Variants in HTR4 observed in about 807,000 individuals in gnomAD.
HTR4 encodes 5-hydroxytryptamine (serotonin) receptor 4, G protein-coupled.
Under a neutral mutation model 36.8 loss-of-function variants are expected in HTR4, and 16 were observed. That is an observed-to-expected ratio of 0.43 (90% confidence interval 0.29 to 0.66). The LOEUF (loss-of-function observed/expected upper bound fraction) is 0.66. HTR4 is among the 30% of genes least tolerant of loss of function. HTR4 has a pLI of 0.13. For missense variants in HTR4, 438 were observed against 490.9 expected (o/e 0.89, Z 1.02); for synonymous variants, 189 against 185.1 (o/e 1.02, Z -0.17).
At chr5:148,606,335 AT>A in intron 2 of HTR4, among the ~76,000 whole-genome samples, 1 of 152,286 alleles carries the variant, frequency 6.6e-6, no homozygotes, top group South Asian at 2.1e-4. Flanking sequence ...GCAGGTGTAA[AT>A]ATGAGGTATA....
intron 2 of HTR4, among the ~76,000 whole-genome samples, chr5:148,569,132 G>A (rs1018960110): frequency 6.6e-6 from 1 of 151,924 alleles, no homozygotes; most frequent in African/African-American, 2.4e-5. Flanking sequence ...TATCTGATCA[G>A]CAGAGAGTTC....
chr5:148,455,492 T>G (rs1282108211), intron 5 of HTR4, among the ~76,000 whole-genome samples: 2 of 152,184 alleles, frequency 1.3e-5, no homozygotes, highest in Non-Finnish European at 2.9e-5. Flanking sequence ...ATGAGTCACT[T>G]GTCAGGAATA....
chr5:148,580,967 C>G (rs980512857), intron 2 of HTR4, among the ~76,000 whole-genome samples: 6 of 151,504 alleles, frequency 4.0e-5, no homozygotes, highest in African/African-American at 1.5e-4. Context: ...GCAGCAGTAC[C>G]GTTTTACATT....
At chr5:148,605,779 C>T (rs1752135879) in intron 2 of HTR4, among the ~76,000 whole-genome samples, 1 of 151,944 alleles carries the variant, frequency 6.6e-6, no homozygotes, top group South Asian at 2.1e-4. Flanking sequence ...ACAAATCAAC[C>T]CAGACTGTTA....
intron 4 of HTR4, among the ~76,000 whole-genome samples, chr5:148,528,271 A>C (rs1293034931): frequency 6.6e-6 from 1 of 152,176 alleles, no homozygotes; most frequent in Non-Finnish European, 1.5e-5. Context: ...CAGCTTCTTC[A>C]ATGTGGTCCT....
intron 5 of HTR4, among the ~76,000 whole-genome samples, chr5:148,515,584 A>T (rs1757705825): frequency 6.6e-6 from 1 of 152,168 alleles, no homozygotes; most frequent in African/African-American, 2.4e-5. Flanking sequence ...TGTTTAAAGC[A>T]TATTTTCATT....
chr5:148,611,619 C>A (rs879625377), intron 2 of HTR4, among the ~76,000 whole-genome samples: 1 of 147,732 alleles, frequency 6.8e-6, no homozygotes, highest in Non-Finnish European at 1.5e-5. Flanking sequence ...ACTGCATCAA[C>A]TAACGAGCAA....
intron 5 of HTR4, among the ~76,000 whole-genome samples, chr5:148,461,034 A>G (rs1259420817): frequency 6.6e-6 from 1 of 152,080 alleles, no homozygotes; most frequent in Admixed American, 6.5e-5. Flanking sequence ...AAAAAGTTGT[A>G]TAGTATCATT....
chr5:148,534,399 G>A (rs1269700187), intron 4 of HTR4, among the ~76,000 whole-genome samples: 1 of 152,162 alleles, frequency 6.6e-6, no homozygotes, highest in African/African-American at 2.4e-5. Flanking sequence ...TGTTAAAGTA[G>A]CCAGACTTAA....
At chr5:148,592,263 A>G (rs1761602094) in intron 2 of HTR4, among the ~76,000 whole-genome samples, 1 of 152,158 alleles carries the variant, frequency 6.6e-6, no homozygotes, top group African/African-American at 2.4e-5. Context: ...GGAGAGGACA[A>G]GAAAAGATTA....
At chr5:148,460,150 G>A (rs1463418993) in intron 5 of HTR4, among the ~76,000 whole-genome samples, 1 of 151,380 alleles carries the variant, frequency 6.6e-6, no homozygotes, top group African/African-American at 2.4e-5. Context: ...CAAGAACTAT[G>A]GGACAACTAA....
At chr5:148,596,638 C>A (rs574066742) in intron 2 of HTR4, among the ~76,000 whole-genome samples, 1 of 151,708 alleles carries the variant, frequency 6.6e-6, no homozygotes, top group East Asian at 1.9e-4. Context: ...GCTGCGACAA[C>A]CAAAAACATC....
chr5:148,520,064 G>T (rs185161227), intron 5 of HTR4, among the ~76,000 whole-genome samples: 1 of 152,196 alleles, frequency 6.6e-6, no homozygotes, highest in Non-Finnish European at 1.5e-5. Context: ...TGATGAAAAT[G>T]TTGTGACCAG....
intron 2 of HTR4, among the ~76,000 whole-genome samples, chr5:148,570,935 AT>A (rs999864774): frequency 6.6e-6 from 1 of 151,984 alleles, no homozygotes; most frequent in African/African-American, 2.4e-5. Context: ...GAACCTAGTT[AT>A]TGGTGGAAGT....
intron 5 of HTR4, among the ~76,000 whole-genome samples, chr5:148,454,498 G>A (rs929154348): frequency 6.6e-6 from 1 of 152,148 alleles, no homozygotes; most frequent in Admixed American, 6.5e-5. Context: ...TGATAATGAT[G>A]ATGATGATGT....
intron 4 of HTR4, among the ~76,000 whole-genome samples, chr5:148,525,836 T>A (rs1326834804): frequency 6.6e-6 from 1 of 152,194 alleles, no homozygotes; most frequent in African/African-American, 2.4e-5. Flanking sequence ...TATTTAGACA[T>A]AGGATTTTAA....
chr5:148,613,484 T>A (rs1231012532), intron 2 of HTR4, among the ~76,000 whole-genome samples: 3 of 151,920 alleles, frequency 2.0e-5, no homozygotes, highest in Non-Finnish European at 4.4e-5. Flanking sequence ...TCAACAACCC[T>A]TCATGCTAAA....
intron 4 of HTR4, among the ~76,000 whole-genome samples, chr5:148,546,645 T>C (rs2113842365): frequency 6.6e-6 from 1 of 152,340 alleles, no homozygotes; most frequent in African/African-American, 2.4e-5. Context: ...CCATTTTTTT[T>C]CCTGGCTGAC....
intron 2 of HTR4, among the ~76,000 whole-genome samples, chr5:148,613,969 T>C (rs1318437264): frequency 2.0e-5 from 3 of 151,436 alleles, no homozygotes; most frequent in Non-Finnish European, 3.0e-5. Context: ...GAATCCAACT[T>C]ACAAGGGATG....
Sources: gnomAD v4.1 joint callset for allele counts (sites outside exome capture counted in the v4.1 genomes callset) on GRCh38, gnomAD v4.1.1 for gene constraint, MANE v1.5 for transcripts, NCBI Gene and HGNC (gene_info 2026-07-23, HGNC 2026-07-21) for gene names.